Variants in FRMD4B observed in about 807,000 individuals in gnomAD.
FRMD4B encodes FERM domain containing 4B.
In FRMD4B, 74 loss-of-function variants were observed where a neutral mutation model predicts 141.5. The observed-to-expected ratio is 0.52, with a 90% CI of 0.43 to 0.63. The LOEUF (loss-of-function observed/expected upper bound fraction) is 0.63. Among genes scored for constraint, FRMD4B ranks in the 30% least tolerant of loss-of-function variants. The pLI, the probability that FRMD4B is intolerant of heterozygous loss-of-function variation, is 0.00. For missense variants in FRMD4B, 1,366 were observed against 1,253.4 expected (o/e 1.09, Z -1.36); for synonymous variants, 506 against 467.9 (o/e 1.08, Z -1.05).
chr3:69,352,797 A>C (rs985651609), intron 1 of FRMD4B, among the ~76,000 whole-genome samples: 2 of 152,182 alleles, frequency 1.3e-5, no homozygotes, highest in Non-Finnish European at 2.9e-5. Context: ...ATCACATAGA[A>C]TCCTCACCAC....
chr3:69,240,269 C>T (rs1175688587), intron 7 of FRMD4B, among the ~76,000 whole-genome samples: 1 of 151,896 alleles, frequency 6.6e-6, no homozygotes. Context: ...AACCCAAGGT[C>T]AGAAGATCGA....
rs559258819 is a variant in FRMD4B at position 69,363,490 on chromosome 3, C to T, written c.162+22338G>A. On this transcript the variant is annotated intron_variant, in intron 1 of 22. Coordinates refer to ENST00000398540, the MANE Select transcript of FRMD4B (RefSeq NM_015123.3). ...CTGCAAGCTCCGCCTCCTGGGTTCA[C>T]GCCATTCTCCTGCCTCAGCCTCCCG... 9.1e-4 allele frequency among the ~76,000 whole-genome samples: 138 copies of T among 151,346 alleles called. 1 individual carries two copies. Among genetic ancestry groups the T allele is most frequent in the African/African-American group, 2.9e-3 (121 of 41,220 alleles).
At chr3:69,265,269 AATATATATATATATATATATAT>A (rs1175250592) in intron 5 of FRMD4B, among the ~76,000 whole-genome samples, 1 of 23,430 alleles carries the variant, frequency 4.3e-5, no homozygotes, top group African/African-American at 1.7e-4. Flanking sequence ...AAAAAAAAAA[AATATATATATATATATATATAT>A]ATATATATAT....
At chr3:69,294,626 C>T (rs901750687) in intron 4 of FRMD4B, among the ~76,000 whole-genome samples, 1 of 152,200 alleles carries the variant, frequency 6.6e-6, no homozygotes, top group Admixed American at 6.5e-5. Context: ...TGCTCCTTTC[C>T]CACAGCATGA....
chr3:69,400,369 G>C (rs1271369999), intron 2 of FRMD4B, among the ~76,000 whole-genome samples: 1 of 144,320 alleles, frequency 6.9e-6, no homozygotes, highest in Non-Finnish European at 1.5e-5. Context: ...GCAACAGAGT[G>C]AGACCCTGTC....
intron 1 of FRMD4B, among the ~76,000 whole-genome samples, chr3:69,437,761 AATACTATAT>A (rs1042855651): frequency 3.0e-4 from 39 of 129,838 alleles, no homozygotes; most frequent in African/African-American, 8.5e-4. Flanking sequence ...AGTATGTATA[AATACTATAT>A]ATACTATATA....
intron 7 of FRMD4B, among the ~76,000 whole-genome samples, chr3:69,241,917 A>G (rs2093387555): frequency 6.6e-6 from 1 of 152,028 alleles, no homozygotes; most frequent in South Asian, 2.1e-4. Context: ...CCAAAAAACA[A>G]AAAAGGAAAC....
At position 69,384,173 on chromosome 3, in the gene FRMD4B, G is replaced by GA. The variant is rs555801748; in HGVS notation, c.162+1654dup. On this transcript the variant is annotated intron_variant, in intron 1 of 22. Transcript: ENST00000398540. ...CAGTCACCATCCATTTTAGAGAAAAGAAAAAAATACATATATTTTAGTAGC... is the reference window on the plus strand; with the variant it reads ...CAGTCACCATCCATTTTAGAGAAAAGAAAAAAAATACATATATTTTAGTAGC... Among the ~76,000 whole-genome samples, 3 of 151,814 alleles carry GA rather than the reference G, an allele frequency of 2.0e-5. No homozygotes were observed. The East Asian group carries it at 5.8e-4, about 29-fold the overall frequency.
chr3:69,417,180 G>A (rs952307414), intron 2 of FRMD4B, among the ~76,000 whole-genome samples: 1 of 152,086 alleles, frequency 6.6e-6, no homozygotes, highest in Non-Finnish European at 1.5e-5. Flanking sequence ...AGTGTAAAAG[G>A]GCTCCTATTT....
At chr3:69,232,565 G>A (rs933127189) in intron 7 of FRMD4B, among the ~76,000 whole-genome samples, 8 of 152,200 alleles carry the variant, frequency 5.3e-5, no homozygotes, top group African/African-American at 1.2e-4. Context: ...GTACCCTGAC[G>A]GAATGTGCCA....
At chr3:69,349,396 G>A (rs916840586) in intron 1 of FRMD4B, among the ~76,000 whole-genome samples, 14 of 152,262 alleles carry the variant, frequency 9.2e-5, no homozygotes, top group African/African-American at 3.4e-4. Context: ...TGGCCATACT[G>A]CCCAAGGTAA....
chr3:69,228,728 C>G (rs750269300), intron 7 of FRMD4B: 1 of 292,564 alleles, frequency 3.4e-6, no homozygotes, highest in Non-Finnish European at 6.8e-6. Flanking sequence ...GTTTCAGCTA[C>G]TTGGGAGGCT....
intron 17 of FRMD4B, among the ~76,000 whole-genome samples, chr3:69,192,563 A>G (rs1010739901): frequency 2.0e-5 from 3 of 149,494 alleles, no homozygotes; most frequent in African/African-American, 7.6e-5. Context: ...GGGATTTCTA[A>G]GTTTATGTTT....
intron 5 of FRMD4B, among the ~76,000 whole-genome samples, chr3:69,262,546 GCCTCCC>G (rs2093534837): frequency 7.9e-6 from 1 of 126,560 alleles, no homozygotes; most frequent in African/African-American, 3.1e-5. Context: ...ACTCATCATC[GCCTCCC>G]AGGTTCAAGT....
intron 2 of FRMD4B, among the ~76,000 whole-genome samples, chr3:69,424,067 T>C (rs911234854): frequency 2.0e-5 from 3 of 152,204 alleles, no homozygotes; most frequent in African/African-American, 7.2e-5. Flanking sequence ...TATAGTACTT[T>C]TGATATGAGT....
chr3:69,452,726 A>G (rs1174325644), intron 1 of FRMD4B, among the ~76,000 whole-genome samples: 1 of 152,242 alleles, frequency 6.6e-6, no homozygotes, highest in Non-Finnish European at 1.5e-5. Context: ...GCAAATTCAT[A>G]AAGAAGCACA....
intron 1 of FRMD4B, among the ~76,000 whole-genome samples, chr3:69,460,592 T>C (rs1705694169): frequency 6.6e-6 from 1 of 152,172 alleles, no homozygotes; most frequent in African/African-American, 2.4e-5. Context: ...GGGAGGCAAA[T>C]TTTTAATATA....
chr3:69,204,805 T>C (rs1360442341), intron 11 of FRMD4B, among the ~76,000 whole-genome samples: 1 of 152,126 alleles, frequency 6.6e-6, no homozygotes, highest in African/African-American at 2.4e-5. Flanking sequence ...AGCACTAAGA[T>C]GTTGCATCTA....
intron 2 of FRMD4B, among the ~76,000 whole-genome samples, chr3:69,422,332 C>T (rs987915700): frequency 2.0e-5 from 3 of 146,698 alleles, no homozygotes; most frequent in South Asian, 2.2e-4. Flanking sequence ...GGTTGTAGTG[C>T]GTTGAGATCA....
Sources: allele counts gnomAD v4.1 joint callset (sites outside exome capture counted in the v4.1 genomes callset), GRCh38; gene constraint gnomAD v4.1.1; transcripts MANE v1.5; gene names NCBI Gene and HGNC (gene_info 2026-07-23, HGNC 2026-07-21).